Variants in SPATA13 observed in about 807,000 individuals in gnomAD.
SPATA13 encodes spermatogenesis-associated protein 13.
Under a neutral mutation model 104.0 loss-of-function variants are expected in SPATA13, and 50 were observed. The ratio of observed to expected loss-of-function variants is 0.48; its 90% CI spans 0.38 to 0.61. SPATA13 has a LOEUF of 0.61. SPATA13 is among the 20% of genes least tolerant of loss of function. SPATA13 has a pLI of 0.00. For missense variants in SPATA13, 1,524 were observed against 1,690.6 expected, an observed-to-expected ratio of 0.90 and a Z score of 1.73; for synonymous variants, 606 against 667.5, an observed-to-expected ratio of 0.91 and a Z score of 1.42.
rs1026846538 is a variant in SPATA13 at position 24,223,888 on chromosome 13, T to C, written c.959T>C (p.Val320Ala). The C allele has an allele frequency of 2.6e-6, 4 of 1,551,022 alleles. No individual in the cohort carries two copies. In the East Asian group the frequency reaches 7.3e-5, roughly 28 times the overall value. The change falls in exon 2 of 13, where the codon GTC becomes GCC. Residue 320 changes from valine to alanine, a missense_variant. Around this residue, in one of 2 missense-constraint regions of SPATA13, gnomAD observed 1,089 missense variants for 1,135.9 expected, o/e 0.96. Coordinates refer to ENST00000382108, the MANE Select transcript of SPATA13 (RefSeq NM_001166271.3). ...SPIRAKDFDR[V>A]FKLVSNVTEA... ...ATAAGGGCCAAGGACTTTGACAGAG[T>C]CTTCAAACTTGTGAGCAATGTGACT...
At chr13:24,243,168 C>T (rs945143268) in intron 2 of SPATA13, among the ~76,000 whole-genome samples, 5 of 152,178 alleles carry the variant, frequency 3.3e-5, no homozygotes, top group Non-Finnish European at 7.3e-5. Flanking sequence ...GAAATATATT[C>T]ACGTCACTCA....
At chr13:23,987,077 G>GTGTCCCCAGAGTAGCC (rs71186804) in intron 2 of SPATA13, among the ~76,000 whole-genome samples, 1 of 149,422 alleles carries the variant, frequency 6.7e-6, no homozygotes, top group African/African-American at 2.5e-5. Flanking sequence ...CCCATAGGCA[G>GTGTCCCCAGAGTAGCC]TGGATTGATA....
intron 2 of SPATA13, among the ~76,000 whole-genome samples, chr13:23,985,376 G>A (rs562318513): frequency 8.5e-5 from 13 of 152,376 alleles, no homozygotes; most frequent in African/African-American, 3.1e-4. Flanking sequence ...CCCCAGGAAC[G>A]GCTGATGTGG....
intron 4 of SPATA13, 114 bp downstream of exon 4, chr13:24,251,976 T>A: frequency 6.7e-6 from 9 of 1,341,246 alleles, no homozygotes; most frequent in Non-Finnish European, 9.1e-6. Context: ...CCAGGGCGCG[T>A]TTGTCTGGGA....
intron 4 of SPATA13, among the ~76,000 whole-genome samples, chr13:24,252,229 C>T (rs1381508572): frequency 1.3e-5 from 2 of 152,156 alleles, no homozygotes; most frequent in Admixed American, 1.3e-4. Flanking sequence ...AGGCTGCTTT[C>T]CTTGCGTCTG....
intron 1 of SPATA13, among the ~76,000 whole-genome samples, chr13:24,172,714 A>G (rs1013071393): frequency 6.6e-6 from 1 of 152,200 alleles, no homozygotes; most frequent in Non-Finnish European, 1.5e-5. Flanking sequence ...TTTGATCTAT[A>G]TGTCTATACC....
intron 4 of SPATA13, chr13:24,278,875 TC>T (rs1456603255): frequency 1.7e-5 from 6 of 347,350 alleles, no homozygotes; most frequent in East Asian, 2.1e-4. Context: ...TGTTTTTCTT[TC>T]CTTCCTTCCT....
intron 1 of SPATA13, among the ~76,000 whole-genome samples, chr13:23,980,242 G>A (rs527686559): frequency 3.9e-4 from 59 of 152,300 alleles, no homozygotes; most frequent in African/African-American, 1.4e-3. Flanking sequence ...AGGGGTGAGC[G>A]CATAGGGGCG....
At chr13:24,221,407 A>G (rs2138607365) in intron 1 of SPATA13, among the ~76,000 whole-genome samples, 1 of 152,318 alleles carries the variant, frequency 6.6e-6, no homozygotes, top group South Asian at 2.1e-4. Context: ...CTATTTATTG[A>G]GAACGGGGGG....
chr13:24,250,322 G>A (rs1164033294), intron 3 of SPATA13, among the ~76,000 whole-genome samples: 1 of 151,800 alleles, frequency 6.6e-6, no homozygotes, highest in Admixed American at 6.6e-5. Flanking sequence ...TTGCAACTTT[G>A]CAACTATTAA....
chr13:24,170,167 T>C (rs1449722539), intron 1 of SPATA13, among the ~76,000 whole-genome samples: 1 of 152,190 alleles, frequency 6.6e-6, no homozygotes, highest in Non-Finnish European at 1.5e-5. Flanking sequence ...TCAGTATGTC[T>C]GATTTGGTAG....
intron 2 of SPATA13, among the ~76,000 whole-genome samples, chr13:24,008,630 G>A (rs1163612206): frequency 6.6e-6 from 1 of 152,164 alleles, no homozygotes; most frequent in Non-Finnish European, 1.5e-5. Flanking sequence ...CTGAAGCTGT[G>A]TTTAATATGA....
At chr13:24,226,562 A>G (rs1414413791) in intron 2 of SPATA13, among the ~76,000 whole-genome samples, 1 of 152,216 alleles carries the variant, frequency 6.6e-6, no homozygotes, top group African/African-American at 2.4e-5. Context: ...TAGCTGGAAG[A>G]TGGGGAAATG....
At chr13:24,007,768 A>G (rs1251608074) in intron 2 of SPATA13, among the ~76,000 whole-genome samples, 1 of 152,234 alleles carries the variant, frequency 6.6e-6, no homozygotes, top group African/African-American at 2.4e-5. Flanking sequence ...AAGCCCAGCC[A>G]GGGTTTTTTC....
At chr13:24,117,180 ACTGTAC>A (rs1291431448) in intron 3 of SPATA13, among the ~76,000 whole-genome samples, 1 of 152,200 alleles carries the variant, frequency 6.6e-6, no homozygotes, top group Non-Finnish European at 1.5e-5. Flanking sequence ...CTCTATAACA[ACTGTAC>A]CTACATTGTA....
At chr13:24,279,923 C>T (rs1323790743) in intron 4 of SPATA13, among the ~76,000 whole-genome samples, 1 of 152,238 alleles carries the variant, frequency 6.6e-6, no homozygotes, top group Non-Finnish European at 1.5e-5. Context: ...ATCTTGCTTC[C>T]GCAGTGTCGC....
intron 2 of SPATA13, among the ~76,000 whole-genome samples, chr13:23,988,377 C>A (rs1241870500): frequency 6.6e-6 from 1 of 152,158 alleles, no homozygotes; most frequent in African/African-American, 2.4e-5. Flanking sequence ...GTATTCTGGC[C>A]TCATGGTATT....
In SPATA13 at chr13:24,286,828, G is replaced by C; in HGVS notation, c.2545G>C (p.Glu849Gln). 6.2e-7 allele frequency: 1 copy of C among 1,613,682 alleles called. No individual in the cohort carries two copies. The highest frequency in any genetic ancestry group is 8.5e-7 in the Non-Finnish European group (1 of 1,179,998). The change falls in exon 7 of 13, where the codon GAG (glutamate) becomes CAG (glutamine). Residue 849 changes from glutamate (E) to glutamine (Q), a missense_variant. By Grantham distance (29) the Glu-to-Gln change is conservative. Around this residue, in one of 2 missense-constraint regions of SPATA13, gnomAD observed 1,089 missense variants for 1,135.9 expected, o/e 0.96. Transcript: ENST00000382108. This position sits in a 1 kb window ranked among gnomAD's most constrained non-coding sequence, Gnocchi z 4.9. ...CAGCACCCCCAGTGAGGAGCAGGACGAGGAGGCCAGCCAGAGCCGCCACAG... is the reference window on the plus strand; with the variant it reads ...CAGCACCCCCAGTGAGGAGCAGGACCAGGAGGCCAGCCAGAGCCGCCACAG... ...SSSTPSEEQDEEASQSRHRHC... is the reference protein window; with the variant it reads ...SSSTPSEEQDQEASQSRHRHC...
intron 3 of SPATA13, among the ~76,000 whole-genome samples, chr13:24,077,262 CAAAAAAAA>C (rs60810328): frequency 2.7e-5 from 2 of 73,014 alleles, no homozygotes; most frequent in African/African-American, 1.1e-4. Context: ...GACTCCATGT[CAAAAAAAA>C]AAAAAAAAAA....
Sources: gnomAD v4.1 joint callset for allele counts (sites outside exome capture counted in the v4.1 genomes callset) on GRCh38, gnomAD v4.1.1 for gene constraint, gnomAD v4.1.1 regional missense constraint, Gnocchi (gnomAD v3.1) non-coding constraint, MANE v1.5 for transcripts, NCBI Gene and HGNC (gene_info 2026-07-23, HGNC 2026-07-21) for gene names.